The following LUZP2 variants were observed in gnomAD, a reference collection of about 807,000 sequenced individuals.
The protein encoded by LUZP2 is leucine zipper protein 2.
In LUZP2, 52 loss-of-function variants were observed where a neutral mutation model predicts 51.6. The observed-to-expected ratio is 1.01, with a 90% CI of 0.81 to 1.27. The LOEUF (loss-of-function observed/expected upper bound fraction) is 1.27, where lower values mean the gene tolerates loss of function less well. Ranked by LOEUF, LUZP2 falls within the 50% of genes most tolerant of loss-of-function variation. LUZP2 has a pLI of 0.00. For synonymous variants in LUZP2, 154 were observed against 137.3 expected, an observed-to-expected ratio of 1.12 and a Z score of -0.85; for missense variants, 436 against 395.4, an observed-to-expected ratio of 1.10 and a Z score of -0.87.
chr11:24,958,687 C>G (rs113415105), intron 7 of LUZP2, among the ~76,000 whole-genome samples: 56,262 of 151,806 alleles, frequency 0.37, 12,647 homozygotes, highest in East Asian at 0.7. Context: ...TGAAAATTTT[C>G]TCCCATTTTG....
intron 1 of LUZP2, among the ~76,000 whole-genome samples, chr11:24,572,332 CA>C (rs1852470649): frequency 6.6e-6 from 1 of 151,964 alleles, no homozygotes; most frequent in Non-Finnish European, 1.5e-5. Context: ...CTTACTATTT[CA>C]ATCATATTAT....
intron 1 of LUZP2, among the ~76,000 whole-genome samples, chr11:24,553,439 A>C (rs1851776585): frequency 6.6e-6 from 1 of 152,102 alleles, no homozygotes; most frequent in Admixed American, 6.6e-5. Flanking sequence ...GGCTAAAGCA[A>C]TTATGAGTAT....
At position 24,670,392 on chromosome 11, in the gene LUZP2, A is replaced by G. The variant is rs557280656; in HGVS notation, c.63-58777A>G. ...GTTGTCATTCCCATTTTATGGATGA[A>G]ATAAAGCTTCAAATAGTTAAATATT... On this transcript the variant is annotated intron_variant, in intron 1 of 11. Transcript: ENST00000336930. Among the ~76,000 whole-genome samples, 125 of 152,214 alleles carry G rather than the reference A, an allele frequency of 8.2e-4. 1 individual carries two copies. Among genetic ancestry groups the G allele is most frequent in the Admixed American group, 3.8e-3 (58 of 15,292 alleles).
chr11:24,561,681 G>A (rs1004067170), intron 1 of LUZP2, among the ~76,000 whole-genome samples: 1 of 152,008 alleles, frequency 6.6e-6, no homozygotes, highest in Non-Finnish European at 1.5e-5. Context: ...GGAGGGTGGC[G>A]GGATAGGAGA....
intron 5 of LUZP2, among the ~76,000 whole-genome samples, chr11:24,778,882 C>A (rs185281987): frequency 1.3e-5 from 2 of 152,264 alleles, no homozygotes; most frequent in Admixed American, 6.5e-5. Context: ...TCTGTAGAGA[C>A]AATAGCACAC....
chr11:24,602,001 T>C (rs762197132), intron 1 of LUZP2, among the ~76,000 whole-genome samples: 2,706 of 69,324 alleles, frequency 0.039, 105 homozygotes, highest in African/African-American at 0.18. Flanking sequence ...TATATATGTA[T>C]ATATATGTAT....
chr11:24,522,557 G>A (rs577198753), intron 1 of LUZP2, among the ~76,000 whole-genome samples: 1 of 152,002 alleles, frequency 6.6e-6, no homozygotes, highest in African/African-American at 2.4e-5. Context: ...ATCCTGTATA[G>A]CTCATTGTCA....
At chr11:24,559,913 G>T (rs1468216248) in intron 1 of LUZP2, among the ~76,000 whole-genome samples, 1 of 152,108 alleles carries the variant, frequency 6.6e-6, no homozygotes, top group Non-Finnish European at 1.5e-5. Flanking sequence ...TTTTTAGGGA[G>T]GGTAGACCCT....
intron 9 of LUZP2, among the ~76,000 whole-genome samples, chr11:25,003,384 G>A (rs1378107450): frequency 6.6e-6 from 1 of 152,152 alleles, no homozygotes; most frequent in Non-Finnish European, 1.5e-5. Flanking sequence ...GGCGAATACA[G>A]AAGAAGGCAT....
chr11:24,943,434 T>G (rs1392484733), intron 7 of LUZP2, among the ~76,000 whole-genome samples: 1 of 152,200 alleles, frequency 6.6e-6, no homozygotes, highest in Non-Finnish European at 1.5e-5. Flanking sequence ...TTAATTCTCC[T>G]CTGTACTGCC....
At chr11:24,865,941 C>T (rs1851880232) in intron 5 of LUZP2, among the ~76,000 whole-genome samples, 1 of 151,790 alleles carries the variant, frequency 6.6e-6, no homozygotes, top group Admixed American at 6.6e-5. Context: ...TCTGGAGTAG[C>T]TAGGACTACA....
rs142399083 is a variant in LUZP2 at position 24,606,274 on chromosome 11, C to G, written c.62+108969C>G. ...CAATGCACATTCAGTAGAAACTATA[C>G]TTCAATATAGTATTATTATATATTA... On this transcript the variant is annotated intron_variant, in intron 1 of 11. Transcript: ENST00000336930. Among the ~76,000 whole-genome samples the G allele has an allele frequency of 2.8e-3, 420 of 151,982 alleles. 4 individuals carry two copies. The highest frequency in any genetic ancestry group is 9.7e-3 in the African/African-American group (402 of 41,514).
At position 24,713,302 on chromosome 11, in the gene LUZP2, A is replaced by G. The variant is rs1237292498; in HGVS notation, c.63-15867A>G. On this transcript the variant is annotated intron_variant, in intron 1 of 11. Coordinates refer to ENST00000336930, the MANE Select transcript of LUZP2 (RefSeq NM_001009909.4). The stretch of plus-strand genomic sequence containing the variant: ...GGTATTGAAAATGTTTCCCAGGAAA[A>G]AACTACCTGTGTCATCATTTTAATA... Among the ~76,000 whole-genome samples the G allele has an allele frequency of 2.0e-5, 3 of 152,162 alleles. No individual in the cohort carries two copies. The East Asian group carries it at 5.8e-4, about 29-fold the overall frequency.
chr11:24,907,977 T>A (rs1487707365), intron 6 of LUZP2, among the ~76,000 whole-genome samples: 1 of 152,178 alleles, frequency 6.6e-6, no homozygotes, highest in African/African-American at 2.4e-5. Flanking sequence ...ATTTATGGAA[T>A]AAATTTAGAG....
chr11:24,727,458 T>G (rs1015292410), intron 1 of LUZP2, among the ~76,000 whole-genome samples: 1 of 151,980 alleles, frequency 6.6e-6, no homozygotes, highest in African/African-American at 2.4e-5. Flanking sequence ...CAGAACAAAT[T>G]CATGAGAAAA....
intron 1 of LUZP2, among the ~76,000 whole-genome samples, chr11:24,620,212 G>A (rs11028073): frequency 0.22 from 32,816 of 152,058 alleles, 4,302 homozygotes; most frequent in African/African-American, 0.36. Context: ...TCCATTATTT[G>A]TGTACTTTCC....
intron 5 of LUZP2, among the ~76,000 whole-genome samples, chr11:24,839,877 A>G (rs1240611563): frequency 6.6e-6 from 1 of 151,700 alleles, no homozygotes; most frequent in Non-Finnish European, 1.5e-5. Flanking sequence ...TGATATTGAT[A>G]TGCAGTCTGG....
intron 7 of LUZP2, among the ~76,000 whole-genome samples, chr11:24,944,617 G>T (rs201017894): frequency 6.6e-6 from 1 of 152,248 alleles, no homozygotes; most frequent in East Asian, 1.9e-4. Flanking sequence ...ATTTTGAAGA[G>T]AAGTTGAGAT....
At chr11:24,504,294 T>G (rs1418552582) in intron 1 of LUZP2, among the ~76,000 whole-genome samples, 1 of 152,216 alleles carries the variant, frequency 6.6e-6, no homozygotes, top group Non-Finnish European at 1.5e-5. Context: ...TGTTCCTAAA[T>G]ATGTTCATAC....
Sources: gnomAD v4.1 joint callset for allele counts (sites outside exome capture counted in the v4.1 genomes callset) on GRCh38, gnomAD v4.1.1 for gene constraint, MANE v1.5 for transcripts, NCBI Gene and HGNC (gene_info 2026-07-23, HGNC 2026-07-21) for gene names.